GNG12: variants seen among roughly 807,000 people sequenced by gnomAD.
The protein encoded by GNG12 is G protein subunit gamma 12, also known as guanine nucleotide-binding protein G(I)/G(S)/G(O) subunit gamma-12.
For synonymous variants in GNG12, 28 were observed against 29.7 expected (o/e 0.94, Z 0.19); for missense variants, 69 against 83.8 (o/e 0.82, Z 0.69).
intron 2 of GNG12, among the ~76,000 whole-genome samples, chr1:67,743,059 T>G (rs1388505223): frequency 6.6e-6 from 1 of 152,194 alleles, no homozygotes; most frequent in Non-Finnish European, 1.5e-5. Flanking sequence ...AGCTATCTAC[T>G]TACTAATCAG....
chr1:67,819,507 A>G (rs1646973285), intron 1 of GNG12, among the ~76,000 whole-genome samples: 1 of 152,154 alleles, frequency 6.6e-6, no homozygotes, highest in Non-Finnish European at 1.5e-5. Context: ...ATAGTTTAAA[A>G]AGCAGCAGTT....
intron 2 of GNG12, among the ~76,000 whole-genome samples, chr1:67,720,985 A>G (rs1467055357): frequency 1.3e-5 from 2 of 152,198 alleles, no homozygotes; most frequent in African/African-American, 4.8e-5. Context: ...CCCATTTTCC[A>G]AGTGAAGCTC....
At chr1:67,763,434 G>A (rs927491020) in intron 2 of GNG12, among the ~76,000 whole-genome samples, 1 of 151,942 alleles carries the variant, frequency 6.6e-6, no homozygotes, top group Non-Finnish European at 1.5e-5. Context: ...TGGTTATTTT[G>A]TGGAATGTCC....
intron 2 of GNG12, among the ~76,000 whole-genome samples, chr1:67,733,480 A>G (rs537228076): frequency 6.6e-6 from 1 of 152,314 alleles, no homozygotes; most frequent in Non-Finnish European, 1.5e-5. Flanking sequence ...AAATGGAATC[A>G]TATTTGCATA....
At chr1:67,728,762 C>A (rs1405174147) in intron 2 of GNG12, among the ~76,000 whole-genome samples, 1 of 152,160 alleles carries the variant, frequency 6.6e-6, no homozygotes, top group Non-Finnish European at 1.5e-5. Context: ...AAAGCAGAAA[C>A]ACATTCAGGA....
intron 2 of GNG12, among the ~76,000 whole-genome samples, chr1:67,719,391 G>A (rs1570483316): frequency 6.6e-6 from 1 of 152,322 alleles, no homozygotes; most frequent in East Asian, 1.9e-4. Context: ...GGTCATGAAT[G>A]CAAAAGGTGG....
chr1:67,772,804 T>C (rs935204640), intron 2 of GNG12, among the ~76,000 whole-genome samples: 7 of 152,338 alleles, frequency 4.6e-5, no homozygotes, highest in Admixed American at 1.3e-4. Context: ...GGCAATCCAA[T>C]CTGGGCTGGT....
At chr1:67,760,632 G>A (rs898200190) in intron 2 of GNG12, among the ~76,000 whole-genome samples, 1 of 152,164 alleles carries the variant, frequency 6.6e-6, no homozygotes, top group East Asian at 1.9e-4. Flanking sequence ...AGAACTGTGT[G>A]GAAATACTGA....
chr1:67,763,103 G>GAGAGAGAGAGAGAGAGAC (rs1646615675), intron 2 of GNG12, among the ~76,000 whole-genome samples: 1 of 149,438 alleles, frequency 6.7e-6, no homozygotes, highest in Non-Finnish European at 1.5e-5. Context: ...GAGAGAGAGA[G>GAGAGAGAGAGAGAGAGAC]AGAGAGAGAG....
At position 67,798,563 on chromosome 1, in the gene GNG12, C is replaced by T. The variant is rs1570558364; in HGVS notation, c.-76-21056G>A. Among the ~76,000 whole-genome samples, 7 of 152,148 alleles carry T rather than the reference C, an allele frequency of 4.6e-5. No homozygotes were observed. The South Asian group carries it at 1.2e-3, about 27-fold the overall frequency. ...CCCATCCCCCTCTGCCACCCCGAGA[C>T]AGCGAGACAAACCCCTCCCCTTCCT... On this transcript the variant is annotated intron_variant, in intron 1 of 3. Transcript: ENST00000370982.
At chr1:67,793,210 G>C (rs544654237) in intron 1 of GNG12, among the ~76,000 whole-genome samples, 1 of 152,128 alleles carries the variant, frequency 6.6e-6, no homozygotes, top group East Asian at 1.9e-4. Flanking sequence ...TCTTAATCCT[G>C]ACTCATTTGA....
chr1:67,798,397 C>T (rs543376400), intron 1 of GNG12, among the ~76,000 whole-genome samples: 4 of 152,238 alleles, frequency 2.6e-5, no homozygotes, highest in African/African-American at 9.6e-5. Flanking sequence ...ATGGAAAAAC[C>T]GTCTTCCACG....
intron 1 of GNG12, among the ~76,000 whole-genome samples, chr1:67,783,614 A>C (rs1646750499): frequency 6.6e-6 from 1 of 151,902 alleles, no homozygotes; most frequent in African/African-American, 2.4e-5. Flanking sequence ...AACTCAAACA[A>C]ATTTACTAGA....
intron 2 of GNG12, among the ~76,000 whole-genome samples, chr1:67,756,249 T>C (rs1646567557): frequency 6.6e-6 from 1 of 152,136 alleles, no homozygotes; most frequent in Non-Finnish European, 1.5e-5. Flanking sequence ...GGTAAGTTTA[T>C]CATACAGGAA....
chr1:67,746,509 A>T (rs1646508039), intron 2 of GNG12, among the ~76,000 whole-genome samples: 1 of 152,116 alleles, frequency 6.6e-6, no homozygotes, highest in Non-Finnish European at 1.5e-5. Flanking sequence ...GTGCTGAGGA[A>T]GGCATTCGGA....
chr1:67,818,642 G>A (rs1370408517), intron 1 of GNG12, among the ~76,000 whole-genome samples: 1 of 152,036 alleles, frequency 6.6e-6, no homozygotes, highest in Non-Finnish European at 1.5e-5. Flanking sequence ...ATCAAGCTTT[G>A]CCTGGCACTG....
In GNG12 at chr1:67,704,195, G is replaced by A. The variant is rs1038758871; in HGVS notation, c.*1256C>T. 6 of 152,254 alleles carry A rather than the reference G, an allele frequency of 3.9e-5. No homozygotes were observed. The highest frequency in any genetic ancestry group is 8.8e-5 in the Non-Finnish European group (6 of 68,058). 9.4% of individuals were successfully genotyped at this position (152,254 alleles called of 1,614,324 possible). On this transcript the variant is annotated 3_prime_UTR_variant, in exon 4 of 4. Transcript: ENST00000370982. ...CAGCTGCTAAAGCCCTTGGGCCCAAGGAGTGTACCACTGAATCCAAGGCTC... is the reference window on the plus strand; with the variant it reads ...CAGCTGCTAAAGCCCTTGGGCCCAAAGAGTGTACCACTGAATCCAAGGCTC...
chr1:67,714,306 T>C (rs1646312468), intron 2 of GNG12, among the ~76,000 whole-genome samples: 1 of 152,194 alleles, frequency 6.6e-6, no homozygotes, highest in Non-Finnish European at 1.5e-5. Flanking sequence ...CACTATGCCT[T>C]GGATATTTAG....
intron 1 of GNG12, among the ~76,000 whole-genome samples, chr1:67,788,108 T>G (rs1646780651): frequency 6.6e-6 from 1 of 152,214 alleles, no homozygotes; most frequent in African/African-American, 2.4e-5. Flanking sequence ...TTGGAATAGC[T>G]TAGTGGCTTC....
Sources: allele counts gnomAD v4.1 joint callset (sites outside exome capture counted in the v4.1 genomes callset), GRCh38; gene constraint gnomAD v4.1.1; transcripts MANE v1.5; gene names NCBI Gene and HGNC (gene_info 2026-07-23, HGNC 2026-07-21).